NRF1: variants seen among roughly 807,000 people sequenced by gnomAD.
NRF1 encodes nuclear respiratory factor 1, also known as alpha palindromic-binding protein.
In NRF1, 5 loss-of-function variants were observed where a neutral mutation model predicts 58.5. The observed-to-expected ratio is 0.09, with a 90% CI of 0.04 to 0.18. NRF1 has a LOEUF of 0.18. Among genes scored for constraint, NRF1 ranks in the 10% least tolerant of loss-of-function variants. The pLI is 1.00. For missense variants in NRF1, 288 were observed against 657.7 expected (o/e 0.44, Z 6.15); for synonymous variants, 224 against 246.7 (o/e 0.91, Z 0.86).
intron 2 of NRF1, among the ~76,000 whole-genome samples, chr7:129,667,519 T>C (rs1191741079): frequency 2.6e-5 from 4 of 152,036 alleles, no homozygotes; most frequent in Non-Finnish European, 5.9e-5. Flanking sequence ...CAATAATATG[T>C]ATTGTAATTA....
At chr7:129,744,614 A>G (rs1461973976) in intron 10 of NRF1, among the ~76,000 whole-genome samples, 2 of 152,160 alleles carry the variant, frequency 1.3e-5, no homozygotes, top group Non-Finnish European at 2.9e-5. Context: ...TACAGTTCAG[A>G]TAGGAAAAGC....
At chr7:129,735,328 G>A (rs889512761) in intron 10 of NRF1, 16 of 663,262 alleles carry the variant, frequency 2.4e-5, no homozygotes, top group African/African-American at 7.8e-5. Flanking sequence ...TCAGGAGTTC[G>A]AGACCAGCCT....
At chr7:129,683,320 T>TGAGAGAGAGAGAGA (rs72404049) in intron 4 of NRF1, among the ~76,000 whole-genome samples, 2 of 136,384 alleles carry the variant, frequency 1.5e-5, no homozygotes, top group African/African-American at 5.7e-5. Context: ...TGTGTGTGTG[T>TGAGAGAGAGAGAGA]GAGAGAGAGA....
intron 1 of NRF1, among the ~76,000 whole-genome samples, chr7:129,618,400 T>C (rs1019023657): frequency 2.0e-5 from 3 of 152,186 alleles, no homozygotes; most frequent in South Asian, 4.1e-4. Context: ...TAATGCCATA[T>C]AGAAACTGCA....
At chr7:129,745,436 T>C (rs1803951523) in intron 10 of NRF1, among the ~76,000 whole-genome samples, 1 of 151,876 alleles carries the variant, frequency 6.6e-6, no homozygotes. Context: ...CAGATTCTCA[T>C]AGGAGCACGA....
At chr7:129,656,481 TAGA>T (rs1040390504) in intron 1 of NRF1, among the ~76,000 whole-genome samples, 24 of 152,072 alleles carry the variant, frequency 1.6e-4, no homozygotes, top group African/African-American at 5.8e-4. Flanking sequence ...ATAAGTGTAA[TAGA>T]AGAGCCAACT....
intron 10 of NRF1, among the ~76,000 whole-genome samples, chr7:129,752,146 A>G (rs1179085461): frequency 6.6e-6 from 1 of 152,230 alleles, no homozygotes; most frequent in Non-Finnish European, 1.5e-5. Flanking sequence ...GACATGCATC[A>G]ACTGGCCCAG....
chr7:129,633,544 A>G (rs1801097310), intron 1 of NRF1: 1 of 152,176 alleles, frequency 6.6e-6, no homozygotes, highest in Non-Finnish European at 1.5e-5. Context: ...AATTTAAGAC[A>G]AGTGCCACCA....
chr7:129,672,063 G>C (rs1332850279), intron 3 of NRF1, among the ~76,000 whole-genome samples: 2 of 152,094 alleles, frequency 1.3e-5, no homozygotes, highest in Admixed American at 1.3e-4. Context: ...GTTGATGCTG[G>C]GGGGAAGAAC....
intron 2 of NRF1, among the ~76,000 whole-genome samples, chr7:129,659,004 A>G (rs542264178): frequency 2.0e-5 from 3 of 152,064 alleles, no homozygotes; most frequent in East Asian, 1.9e-4. Flanking sequence ...TTGAGCATCT[A>G]CACATCAAGA....
chr7:129,704,132 C>T (rs949120039), intron 5 of NRF1, among the ~76,000 whole-genome samples: 9 of 148,568 alleles, frequency 6.1e-5, no homozygotes, highest in African/African-American at 2.2e-4. Context: ...ATTTTTAATG[C>T]TCAAGGACCG....
chr7:129,749,525 A>G (rs1804063410), intron 10 of NRF1, among the ~76,000 whole-genome samples: 1 of 151,886 alleles, frequency 6.6e-6, no homozygotes, highest in Non-Finnish European at 1.5e-5. Flanking sequence ...TTTGGGTCCA[A>G]CTGCTGCTTG....
chr7:129,670,243 G>C (rs190953834), intron 2 of NRF1, among the ~76,000 whole-genome samples: 1 of 152,174 alleles, frequency 6.6e-6, no homozygotes, highest in Non-Finnish European at 1.5e-5. Flanking sequence ...CTGGATAGCC[G>C]TACAACATTG....
intron 1 of NRF1, among the ~76,000 whole-genome samples, chr7:129,655,438 A>T (rs1801631252): frequency 6.6e-6 from 1 of 152,076 alleles, no homozygotes; most frequent in African/African-American, 2.4e-5. Flanking sequence ...ATTTCTTTTT[A>T]AAAATCTTAT....
intron 5 of NRF1, among the ~76,000 whole-genome samples, chr7:129,706,982 T>TTTTTG (rs541695552): frequency 0.017 from 2,534 of 152,016 alleles, 52 homozygotes; most frequent in East Asian, 0.069. Context: ...CGCTTTAGGA[T>TTTTTG]TTTTGTTTTG....
intron 10 of NRF1, among the ~76,000 whole-genome samples, chr7:129,749,775 A>G (rs1017074884): frequency 6.6e-5 from 10 of 151,608 alleles, no homozygotes; most frequent in African/African-American, 9.7e-5. Flanking sequence ...TTTACCATCA[A>G]CTCAGTCATT....
chr7:129,625,152 A>G (rs1421255587), intron 1 of NRF1, among the ~76,000 whole-genome samples: 5 of 152,158 alleles, frequency 3.3e-5, no homozygotes, highest in African/African-American at 7.2e-5. Flanking sequence ...TTGTGGCTAC[A>G]TCACTCCAGT....
Position 129,741,455 on chromosome 7 carries a change from G to A in NRF1, c.1349-13563G>A, listed in dbSNP as rs972783193. ...TAAACCAAGACTGAATCTTGTGCCT[G>A]TCATTGTGAGCGCTATTCTGTAAAG... On this transcript the variant is annotated intron_variant, in intron 10 of 10. Transcript: ENST00000393232. The surrounding 1 kb of genome is among the most constrained non-coding windows in gnomAD (Gnocchi z 4.0). Among the ~76,000 whole-genome samples, 6 of 152,134 alleles carry A rather than the reference G, an allele frequency of 3.9e-5. No homozygotes were observed. Among genetic ancestry groups the A allele is most frequent in the Non-Finnish European group, 5.9e-5 (4 of 68,036 alleles).
intron 10 of NRF1, among the ~76,000 whole-genome samples, chr7:129,732,273 G>C (rs1803598910): frequency 6.6e-6 from 1 of 152,218 alleles, no homozygotes; most frequent in Non-Finnish European, 1.5e-5. Flanking sequence ...ACACTCTTCT[G>C]TCTGAGATCT....
Sources: gnomAD v4.1 joint callset for allele counts (sites outside exome capture counted in the v4.1 genomes callset) on GRCh38, gnomAD v4.1.1 for gene constraint, Gnocchi (gnomAD v3.1) non-coding constraint, MANE v1.5 for transcripts, NCBI Gene and HGNC (gene_info 2026-07-23, HGNC 2026-07-21) for gene names.